The following NCSTN variants were observed in gnomAD, a reference collection of about 807,000 sequenced individuals.
NCSTN encodes the protein anterior pharynx-defective 2.
A neutral mutation model predicts 87.0 loss-of-function variants in NCSTN; 22 were observed. The ratio of observed to expected loss-of-function variants is 0.25; its 90% CI spans 0.18 to 0.36. The LOEUF is 0.36. NCSTN is among the 10% of genes least tolerant of loss of function. The pLI is 1.00. For missense variants in NCSTN, 693 were observed against 883.3 expected (o/e 0.78, Z 2.73); for synonymous variants, 306 against 327.1 (o/e 0.94, Z 0.69).
At chr1:160,347,945 C>G (rs985282972) in intron 2 of NCSTN, among the ~76,000 whole-genome samples, 1 of 152,178 alleles carries the variant, frequency 6.6e-6, no homozygotes, top group South Asian at 2.1e-4. Context: ...GCCACACTAT[C>G]TGTTCCTTTT....
chr1:160,351,899 T>C, intron 7 of NCSTN, 94 bp downstream of exon 7: 1 of 1,473,632 alleles, frequency 6.8e-7, no homozygotes. Flanking sequence ...GTTGCTAAAT[T>C]GGGAAGCCTC....
Position 160,358,393 on chromosome 1 carries a change from A to C in NCSTN, c.*122A>C. On this transcript the variant is annotated 3_prime_UTR_variant, in exon 17 of 17. Transcript: ENST00000294785. ...GGGCCTGTCTCAGATTGGGATTAAC[A>C]TAAAAGAGTGGAACTATCCAAAAGA... 3 of 1,320,908 alleles carry C rather than the reference A, an allele frequency of 2.3e-6. No homozygotes were observed. The highest frequency in any genetic ancestry group is 4.7e-4 in the Middle Eastern group (2 of 4,254). The allele number at this position is 1,320,908 out of a possible 1,614,324, so 81.8% of individuals were successfully genotyped here.
intron 2 of NCSTN, among the ~76,000 whole-genome samples, chr1:160,347,906 G>A (rs1006497381): frequency 6.6e-6 from 1 of 152,208 alleles, no homozygotes; most frequent in African/African-American, 2.4e-5. Context: ...GAGCCACTGT[G>A]CCCGGCCGAA....
intron 2 of NCSTN, among the ~76,000 whole-genome samples, chr1:160,345,412 C>G (rs181881213): frequency 3.3e-5 from 5 of 152,088 alleles, no homozygotes; most frequent in African/African-American, 7.2e-5. Flanking sequence ...AGGCTGGTCT[C>G]GAACTCTTGA....
intron 4 of NCSTN, 143 bp downstream of exon 4, chr1:160,349,813 A>ATTTGTC: frequency 1.6e-6 from 2 of 1,267,274 alleles, no homozygotes; most frequent in Non-Finnish European, 2.3e-6. Flanking sequence ...GGTAGTGTTT[A>ATTTGTC]TTTGTCTTTG....
At chr1:160,356,101 G>A (rs1649116669) in intron 13 of NCSTN, 143 bp downstream of exon 13, 1 of 1,025,724 alleles carries the variant, frequency 9.7e-7, no homozygotes, top group East Asian at 2.6e-5. Flanking sequence ...GAGCTCTTGG[G>A]TGGGCCTCAT....
At position 160,349,078 on chromosome 1, in the gene NCSTN, C is replaced by A; in HGVS notation, c.270C>A (p.Pro90=). The change falls in exon 3 of 17, where the codon CCC becomes CCA. Residue 90 remains proline, a synonymous_variant. Transcript: ENST00000294785. The part of the protein sequence containing the change: ...EDLQWVLTDG[P]NPPYMVLLES... The stretch of plus-strand genomic sequence containing the variant: ...TACAGTGGGTATTGACTGATGGCCC[C>A]AACCCCCCTTACATGGTTCTGCTGG... The A allele has an allele frequency of 1.2e-6, 2 of 1,614,174 alleles. No homozygotes were observed. The highest frequency in any genetic ancestry group is 1.7e-6 in the Non-Finnish European group (2 of 1,180,002).
intron 14 of NCSTN, 55 bp downstream of exon 14, chr1:160,356,402 A>C (rs1417036460): frequency 2.0e-6 from 3 of 1,508,826 alleles, no homozygotes; most frequent in Admixed American, 1.7e-5. Context: ...ATAGAGAAAA[A>C]GTCTTTTGGT....
intron 5 of NCSTN, among the ~76,000 whole-genome samples, chr1:160,350,704 A>G (rs1648787114): frequency 6.8e-6 from 1 of 147,878 alleles, no homozygotes; most frequent in Non-Finnish European, 1.5e-5. Context: ...AAGAACCACT[A>G]GTATCGTTAA....
At chr1:160,358,067 C>T in intron 16 of NCSTN, 82 bp from the exon 17 acceptor site, 7 of 1,600,510 alleles carry the variant, frequency 4.4e-6, no homozygotes, top group Non-Finnish European at 6.0e-6. Context: ...TCCCATGGCT[C>T]CAAACCCCAA....
At chr1:160,352,397 G>A (rs1648903215) in intron 8 of NCSTN, among the ~76,000 whole-genome samples, 191 bp downstream of exon 8, 1 of 151,988 alleles carries the variant, frequency 6.6e-6, no homozygotes, top group Non-Finnish European at 1.5e-5. Context: ...TTCTTTTTAG[G>A]AAGCTTTTAC....
At chr1:160,345,868 G>A (rs1648454498) in intron 2 of NCSTN, among the ~76,000 whole-genome samples, 1 of 150,040 alleles carries the variant, frequency 6.7e-6, no homozygotes, top group Non-Finnish European at 1.5e-5. Flanking sequence ...GAGCCCAGGA[G>A]GCGGAGGTTG....
chr1:160,350,281 A>G (rs1230965912), intron 5 of NCSTN, 31 bp downstream of exon 5: 8 of 1,611,666 alleles, frequency 5.0e-6, no homozygotes, highest in Non-Finnish European at 6.8e-6. Flanking sequence ...TAGCAATTCC[A>G]GTTAGAAAGA....
At chr1:160,351,472 G>A in intron 6 of NCSTN, 100 bp downstream of exon 6, 1 of 1,450,730 alleles carries the variant, frequency 6.9e-7, no homozygotes, top group Non-Finnish European at 9.6e-7. Flanking sequence ...GGAAGGAGTA[G>A]ACACCATGAA....
rs1648885825 is a variant in NCSTN, at chr1:160,352,129, G to A, written c.919G>A (p.Ala307Thr). ...AGTGGCTTCCTTTGTCACCCAGCTG[G>A]CTGCTGCTGAAGCTTTGCAAAAGGC... Reference protein sequence around the residue: ...SAVASFVTQLAAAEALQKAPD... With the variant: ...SAVASFVTQLTAAEALQKAPD... Residue 307 changes from alanine to threonine, a missense_variant, in exon 8 of 17, where the codon GCT becomes ACT. Transcript: ENST00000294785. 1 of 1,614,106 alleles carries A rather than the reference G, an allele frequency of 6.2e-7. No individual in the cohort carries two copies. Among genetic ancestry groups the A allele is most frequent in the Admixed American group, 1.7e-5 (1 of 60,008 alleles).
At chr1:160,345,938 G>GAAAAAAAAAAAAAAAAAAAA (rs56358787) in intron 2 of NCSTN, among the ~76,000 whole-genome samples, 1 of 59,808 alleles carries the variant, frequency 1.7e-5, no homozygotes, top group Non-Finnish European at 3.0e-5. Context: ...GACACTGTCT[G>GAAAAAAAAAAAAAAAAAAAA]AAAAAAAAAA....
chr1:160,343,873 G>A (rs757639657), intron 1 of NCSTN: 6 of 449,464 alleles, frequency 1.3e-5, no homozygotes, highest in South Asian at 1.0e-4. Flanking sequence ...TGTGGGTGCT[G>A]TGCGGCGCTT....
At chr1:160,345,041 C>T in intron 2 of NCSTN, 2 of 613,836 alleles carry the variant, frequency 3.3e-6, no homozygotes, top group Admixed American at 2.6e-5. Flanking sequence ...GCATCTCATA[C>T]AACCCCAACC....
Position 160,343,449 on chromosome 1 carries a change from T to C in NCSTN, c.53T>C (p.Leu18Pro). 6.2e-7 allele frequency: 1 copy of C among 1,611,876 alleles called. No individual in the cohort carries two copies. Among genetic ancestry groups the C allele is most frequent in the Non-Finnish European group, 8.5e-7 (1 of 1,179,368 alleles). ...GCTGACCCGGGAAGTCGGGGTCTCC[T>C]TCGCCTTCTGTCTTTCTGCGTCCTA... ...SGADPGSRGL[L>P]RLLSFCVLLA... The change falls in exon 1 of 17, where the codon CTT (leucine) becomes CCT (proline). Residue 18 changes from leucine to proline, a missense_variant. This residue lies in a region of NCSTN where 235 missense variants were observed against 233.9 expected (regional missense o/e 1.00). Transcript: ENST00000294785.
Sources: allele counts gnomAD v4.1 joint callset (sites outside exome capture counted in the v4.1 genomes callset), GRCh38; gene constraint gnomAD v4.1.1; regional missense constraint gnomAD v4.1.1; transcripts MANE v1.5; gene names NCBI Gene and HGNC (gene_info 2026-07-23, HGNC 2026-07-21).